Variants in MICU2 observed in about 807,000 individuals in gnomAD.
The protein encoded by MICU2 is mitochondrial calcium uptake 2.
In MICU2, 64 loss-of-function variants were observed where a neutral mutation model predicts 60.4. That is an observed-to-expected ratio of 1.06 (90% confidence interval 0.87 to 1.31). The LOEUF (loss-of-function observed/expected upper bound fraction) is 1.31, where lower values mean the gene tolerates loss of function less well. Among genes scored for constraint, MICU2 ranks in the 50% most tolerant of loss-of-function variants. The probability of loss-of-function intolerance (pLI) is 0.00; values close to 1 mark genes in which losing one functional copy is unlikely to be tolerated. For missense variants in MICU2, 569 were observed against 531.0 expected, an observed-to-expected ratio of 1.07 and a Z score of -0.70; for synonymous variants, 201 against 175.0, an observed-to-expected ratio of 1.15 and a Z score of -1.17.
intron 4 of MICU2, among the ~76,000 whole-genome samples, chr13:21,534,523 G>A (rs1887086590): frequency 6.6e-6 from 1 of 151,838 alleles, no homozygotes; most frequent in Non-Finnish European, 1.5e-5. Flanking sequence ...AATACTAACT[G>A]GGAAGAAGAC....
chr13:21,497,450 T>A (rs1593311860), intron 9 of MICU2, among the ~76,000 whole-genome samples: 1 of 152,180 alleles, frequency 6.6e-6, no homozygotes, highest in East Asian at 1.9e-4. Flanking sequence ...GGTTCCTGAC[T>A]GCAATCACAG....
At chr13:21,514,993 A>T (rs1465602614) in intron 6 of MICU2, among the ~76,000 whole-genome samples, 1 of 152,154 alleles carries the variant, frequency 6.6e-6, no homozygotes, top group Non-Finnish European at 1.5e-5. Context: ...GCAGCACTCT[A>T]TAAGAACTTC....
At chr13:21,555,146 G>A (rs543696184) in intron 2 of MICU2, among the ~76,000 whole-genome samples, 208 of 152,266 alleles carry the variant, frequency 1.4e-3, no homozygotes, top group African/African-American at 4.8e-3. Flanking sequence ...TAGAAAAAGA[G>A]GGAATCCTCC....
At chr13:21,551,729 T>C (rs1458998540) in intron 2 of MICU2, among the ~76,000 whole-genome samples, 1 of 151,764 alleles carries the variant, frequency 6.6e-6, no homozygotes, top group East Asian at 1.9e-4. Flanking sequence ...AGAATGATGG[T>C]TTCCAGCTTC....
chr13:21,594,741 A>C (rs1888656312), intron 1 of MICU2, among the ~76,000 whole-genome samples: 1 of 152,248 alleles, frequency 6.6e-6, no homozygotes, highest in Non-Finnish European at 1.5e-5. Flanking sequence ...ACATGGATGA[A>C]GCTGGAAGCC....
intron 7 of MICU2, among the ~76,000 whole-genome samples, chr13:21,513,512 C>T (rs930238537): frequency 3.3e-5 from 5 of 151,760 alleles, no homozygotes; most frequent in Non-Finnish European, 7.4e-5. Flanking sequence ...CCGAAGCGGG[C>T]GGATCACCTG....
Position 21,566,882 on chromosome 13 carries a change from C to CA in MICU2, c.272dup (p.Met91IlefsTer9). 6.2e-7 allele frequency: 1 copy of CA among 1,612,920 alleles called. No individual in the cohort carries two copies. On this transcript the variant is annotated frameshift_variant, in exon 2 of 12. Transcript: ENST00000382374. LOFTEE classifies it high-confidence loss of function. ...CTTCATGTTCGAGTGAAGAAAACTG[C>CA]ATGAAGCGCTGCTTACGAAGAGACG... is the stretch of plus-strand genomic sequence containing the variant.
intron 1 of MICU2, 167 bp downstream of exon 1, chr13:21,603,759 TCAGGCCGGGGGCC>T: frequency 1.5e-6 from 1 of 667,900 alleles, no homozygotes. Flanking sequence ...CCTCGGGGAC[TCAGGCCGGGGGCC>T]GGTCCAGGAA....
chr13:21,571,150 G>A (rs146154603), intron 1 of MICU2, among the ~76,000 whole-genome samples: 7 of 151,722 alleles, frequency 4.6e-5, no homozygotes, highest in South Asian at 2.1e-4. Flanking sequence ...ATGTTGCTTC[G>A]GGTACTCATT....
Position 21,495,162 on chromosome 13 carries a change from C to T in MICU2, c.1199G>A (p.Trp400Ter). The T allele has an allele frequency of 6.3e-7, 1 of 1,596,822 alleles. No homozygotes were observed. Among genetic ancestry groups the T allele is most frequent in the Non-Finnish European group, 8.5e-7 (1 of 1,173,746 alleles). Residue 400 changes from tryptophan to a stop codon, truncating the protein, a stop_gained and splice_region_variant, in exon 11 of 12, where the codon TGG (tryptophan) becomes TAG (stop). Coordinates refer to ENST00000382374, the MANE Select transcript of MICU2 (RefSeq NM_152726.3). LOFTEE classifies it high-confidence loss of function. ...VLKNRMHRGL[W>*]VPQHQSIQEY... ...TATTATATAAAAAAAATCTGTTACC[C>T]ATAAACCTCGATGCATTCTGTTTTT...
At chr13:21,603,591 G>A (rs2138084973) in intron 1 of MICU2, 1 of 340,896 alleles carries the variant, frequency 2.9e-6, no homozygotes, top group South Asian at 4.5e-5. Flanking sequence ...GTAGCAAGAG[G>A]CGAGGCGCAG....
intron 1 of MICU2, among the ~76,000 whole-genome samples, chr13:21,581,969 A>C (rs1555276369): frequency 2.0e-5 from 3 of 152,274 alleles, no homozygotes; most frequent in Non-Finnish European, 4.4e-5. Flanking sequence ...GCATATCTGC[A>C]TAATTCTGAT....
chr13:21,502,832 G>T, intron 9 of MICU2, 94 bp downstream of exon 9: 1 of 1,184,514 alleles, frequency 8.4e-7, no homozygotes, highest in Non-Finnish European at 1.2e-6. Context: ...ATCGAGGGTA[G>T]CACAGTCTTG....
At chr13:21,546,624 A>AG (rs1243254503) in intron 2 of MICU2, among the ~76,000 whole-genome samples, 1 of 152,214 alleles carries the variant, frequency 6.6e-6, no homozygotes, top group African/African-American at 2.4e-5. Context: ...AGAAGGCAGG[A>AG]GAAGCTAAGT....
At chr13:21,566,605 T>C (rs1176565290) in intron 2 of MICU2, among the ~76,000 whole-genome samples, 192 bp downstream of exon 2, 1 of 152,050 alleles carries the variant, frequency 6.6e-6, no homozygotes, top group Non-Finnish European at 1.5e-5. Flanking sequence ...TAGAGAAACA[T>C]ACATACAAAA....
intron 1 of MICU2, among the ~76,000 whole-genome samples, chr13:21,588,167 A>T (rs1231454211): frequency 6.6e-6 from 1 of 152,210 alleles, no homozygotes; most frequent in Non-Finnish European, 1.5e-5. Context: ...AAAATCATAC[A>T]TTCATTTTAC....
chr13:21,570,439 T>C (rs1381180375), intron 1 of MICU2, among the ~76,000 whole-genome samples: 2 of 152,244 alleles, frequency 1.3e-5, no homozygotes, highest in Non-Finnish European at 2.9e-5. Context: ...TAGCTTGCTT[T>C]ACTTCATTTT....
In MICU2 at chr13:21,535,103, C is replaced by A. The variant is rs377679805; in HGVS notation, c.466+4199G>T. ...CTTTTCAGTTTTTGAAGATTAATCTCTTATCTCTCAATTTTTTTTTCCTTA... is the reference window on the plus strand; with the variant it reads ...CTTTTCAGTTTTTGAAGATTAATCTATTATCTCTCAATTTTTTTTTCCTTA... On this transcript the variant is annotated intron_variant, in intron 4 of 11. Coordinates refer to ENST00000382374, the MANE Select transcript of MICU2 (RefSeq NM_152726.3). Among the ~76,000 whole-genome samples the A allele has an allele frequency of 2.6e-5, 4 of 152,210 alleles. 1 individual carries two copies. Among genetic ancestry groups the A allele is most frequent in the African/African-American group, 9.6e-5 (4 of 41,536 alleles).
intron 2 of MICU2, among the ~76,000 whole-genome samples, chr13:21,554,298 C>T (rs902856792): frequency 6.6e-6 from 1 of 152,136 alleles, no homozygotes; most frequent in African/African-American, 2.4e-5. Context: ...CACTCCTCAG[C>T]AAATGTAAAA....
Sources: gnomAD v4.1 joint callset for allele counts (sites outside exome capture counted in the v4.1 genomes callset) on GRCh38, gnomAD v4.1.1 for gene constraint, MANE v1.5 for transcripts, NCBI Gene and HGNC (gene_info 2026-07-23, HGNC 2026-07-21) for gene names.